HS3ST5: variants seen among roughly 807,000 people sequenced by gnomAD.
The protein encoded by HS3ST5 is heparan sulfate glucosamine 3-O-sulfotransferase 5.
Under a neutral mutation model 25.4 loss-of-function variants are expected in HS3ST5, and 10 were observed. That is an observed-to-expected ratio of 0.39 (90% CI 0.24 to 0.67). The LOEUF (loss-of-function observed/expected upper bound fraction) is 0.67. Among genes scored for constraint, HS3ST5 ranks in the 30% least tolerant of loss-of-function variants. The probability of loss-of-function intolerance (pLI) is 0.44; values close to 1 mark genes in which losing one functional copy is unlikely to be tolerated. For synonymous variants in HS3ST5, 170 were observed against 162.4 expected (o/e 1.05, Z -0.36); for missense variants, 324 against 420.7 (o/e 0.77, Z 2.01).
intron 1 of HS3ST5, among the ~76,000 whole-genome samples, chr6:114,238,560 C>T (rs966499351): frequency 1.3e-5 from 2 of 152,038 alleles, no homozygotes; most frequent in Non-Finnish European, 2.9e-5. Flanking sequence ...AGGGTGTGGG[C>T]TTCTAGTATA....
chr6:114,117,366 G>A (rs776079555), intron 3 of HS3ST5, among the ~76,000 whole-genome samples: 4 of 152,000 alleles, frequency 2.6e-5, no homozygotes, highest in African/African-American at 4.8e-5. Context: ...ATTTCTCCAC[G>A]CAAAATCAGA....
intron 2 of HS3ST5, among the ~76,000 whole-genome samples, chr6:114,171,681 G>A (rs961104532): frequency 3.3e-5 from 5 of 152,092 alleles, no homozygotes; most frequent in Admixed American, 2.0e-4. Flanking sequence ...CTTATAATTC[G>A]TAAGTTACGG....
intron 1 of HS3ST5, among the ~76,000 whole-genome samples, chr6:114,282,338 C>CA (rs542961815): frequency 8.4e-4 from 127 of 152,056 alleles, no homozygotes; most frequent in African/African-American, 3.0e-3. Flanking sequence ...GCATTCTTGC[C>CA]ATATGCCAAG....
At chr6:114,330,264 AT>A (rs1010550961) in intron 1 of HS3ST5, among the ~76,000 whole-genome samples, 2 of 152,126 alleles carry the variant, frequency 1.3e-5, no homozygotes, top group African/African-American at 2.4e-5. Context: ...GGAATTCTGA[AT>A]TTTTTTTACT....
chr6:114,274,388 A>G (rs1030526387), intron 1 of HS3ST5, among the ~76,000 whole-genome samples: 1 of 152,060 alleles, frequency 6.6e-6, no homozygotes, highest in African/African-American at 2.4e-5. Flanking sequence ...ATGTAAAGTG[A>G]TAATAGTCAG....
At chr6:114,211,963 T>C in intron 2 of HS3ST5, among the ~76,000 whole-genome samples, 1 of 152,226 alleles carries the variant, frequency 6.6e-6, no homozygotes, top group South Asian at 2.1e-4. Context: ...GGAAATATGA[T>C]AGAAAGACAT....
At position 114,168,779 on chromosome 6, in the gene HS3ST5, C is replaced by G. The variant is rs923886005; in HGVS notation, c.-144-317G>C. On this transcript the variant is annotated intron_variant, in intron 2 of 4. Transcript: ENST00000312719. ...TTAAATAACATTTGTATAGCAGAAC[C>G]TTGTTTCTGATCTGGCTGCTGAGAA... is the stretch of plus-strand genomic sequence containing the variant. Among the ~76,000 whole-genome samples the G allele has an allele frequency of 3.3e-5, 5 of 152,114 alleles. No homozygotes were observed. The South Asian group carries it at 1.0e-3, about 32-fold the overall frequency.
intron 2 of HS3ST5, among the ~76,000 whole-genome samples, chr6:114,181,526 C>G (rs1779968191): frequency 6.6e-6 from 1 of 152,188 alleles, no homozygotes; most frequent in Non-Finnish European, 1.5e-5. Flanking sequence ...AATTGAATCT[C>G]AAAATCAGAA....
intron 3 of HS3ST5, among the ~76,000 whole-genome samples, chr6:114,129,350 G>A (rs1777216432): frequency 6.8e-6 from 1 of 146,694 alleles, no homozygotes; most frequent in South Asian, 2.2e-4. Flanking sequence ...CCGCCTCCTG[G>A]GTTCACACCA....
At chr6:114,064,135 T>C (rs1332692651) in intron 3 of HS3ST5, among the ~76,000 whole-genome samples, 2 of 152,198 alleles carry the variant, frequency 1.3e-5, no homozygotes, top group Admixed American at 6.5e-5. Flanking sequence ...GGAAGCTATA[T>C]AGATAGCAAT....
At chr6:114,243,897 T>C (rs1772259059) in intron 1 of HS3ST5, among the ~76,000 whole-genome samples, 1 of 152,210 alleles carries the variant, frequency 6.6e-6, no homozygotes. Flanking sequence ...GGAGGGTCCT[T>C]CTACTGCCTG....
At chr6:114,145,015 GAAAT>G (rs1295258134) in intron 3 of HS3ST5, among the ~76,000 whole-genome samples, 4 of 152,166 alleles carry the variant, frequency 2.6e-5, no homozygotes, top group Admixed American at 1.3e-4. Flanking sequence ...GATGCTCACG[GAAAT>G]TACTCTCACT....
rs1174739686 is a variant in HS3ST5 at position 114,056,992 on chromosome 6, C to G, written c.*265G>C. 2 of 348,704 alleles carry G rather than the reference C, an allele frequency of 5.7e-6. No individual in the cohort carries two copies. Among genetic ancestry groups the G allele is most frequent in the East Asian group, 8.9e-5 (2 of 22,424 alleles). 21.6% of individuals were successfully genotyped at this position (348,704 alleles called of 1,614,324 possible). On this transcript the variant is annotated 3_prime_UTR_variant, in exon 5 of 5. Transcript: ENST00000312719. ...AGGAAGACTAACTCTTTGAGAATAG[C>G]TGAAGTCACTTTCCCCCAATACCAC...
At chr6:114,338,619 G>A (rs998969774) in intron 1 of HS3ST5, among the ~76,000 whole-genome samples, 1 of 151,838 alleles carries the variant, frequency 6.6e-6, no homozygotes. Context: ...CTTTTGATAA[G>A]GGTTAGCTAC....
At chr6:114,281,095 G>GA (rs1774087078) in intron 1 of HS3ST5, among the ~76,000 whole-genome samples, 1 of 151,998 alleles carries the variant, frequency 6.6e-6, no homozygotes, top group Admixed American at 6.6e-5. Flanking sequence ...TTCAGAATAA[G>GA]AAGATATATT....
chr6:114,292,910 T>C (rs1774643881), intron 1 of HS3ST5, among the ~76,000 whole-genome samples: 1 of 152,210 alleles, frequency 6.6e-6, no homozygotes, highest in Non-Finnish European at 1.5e-5. Context: ...ATTTGTATCA[T>C]ATTTTAGTAT....
chr6:114,195,746 A>G (rs1582703260), intron 2 of HS3ST5, among the ~76,000 whole-genome samples: 1 of 151,838 alleles, frequency 6.6e-6, no homozygotes, highest in East Asian at 1.9e-4. Flanking sequence ...GAGAGAGGAG[A>G]AAGAGGGAAA....
intron 3 of HS3ST5, chr6:114,167,430 T>G (rs1050040507): frequency 1.3e-5 from 2 of 152,224 alleles, no homozygotes; most frequent in African/African-American, 4.8e-5. Flanking sequence ...TGTCAGATAC[T>G]GTTCTAATCA....
chr6:114,226,353 G>A (rs1488670438), intron 2 of HS3ST5, among the ~76,000 whole-genome samples: 1 of 151,832 alleles, frequency 6.6e-6, no homozygotes. Context: ...GATCTAATTG[G>A]ACACAAATTA....
Sources: allele counts gnomAD v4.1 joint callset (sites outside exome capture counted in the v4.1 genomes callset), GRCh38; gene constraint gnomAD v4.1.1; transcripts MANE v1.5; gene names NCBI Gene and HGNC (gene_info 2026-07-23, HGNC 2026-07-21).